Variants in PCDH15 observed in about 807,000 individuals in gnomAD.
The protein encoded by PCDH15 is protocadherin-15.
A neutral mutation model predicts 178.5 loss-of-function variants in PCDH15; 129 were observed. The ratio of observed to expected loss-of-function variants is 0.72; its 90% CI spans 0.63 to 0.84. PCDH15 has a LOEUF of 0.84. Ranked by LOEUF, PCDH15 falls within the 40% of genes least tolerant of loss-of-function variation. The pLI is 0.00. For missense variants in PCDH15, 2,230 were observed against 2,099.9 expected (o/e 1.06, Z -1.21); for synonymous variants, 800 against 732.0 (o/e 1.09, Z -1.50).
intron 2 of PCDH15, among the ~76,000 whole-genome samples, chr10:55,604,479 G>T (rs1258013416): frequency 6.7e-6 from 1 of 149,326 alleles, no homozygotes; most frequent in Admixed American, 6.7e-5. Context: ...TTCCAAAATT[G>T]ACCACATACT....
In PCDH15 at chr10:53,924,139, C is replaced by G. The variant is rs527472637; in HGVS notation, c.3373+14676G>C. Among the ~76,000 whole-genome samples, 335 of 151,438 alleles carry G rather than the reference C, an allele frequency of 2.2e-3. 2 individuals are homozygous for G. The highest frequency in any genetic ancestry group is 7.4e-3 in the African/African-American group (307 of 41,306). The stretch of plus-strand genomic sequence containing the variant: ...TGTGGGAGCCCCTCTCTGGGCTGGC[C>G]AAGGCCGGAGCCAGCTCCCTCTGCT... On this transcript the variant is annotated intron_variant, in intron 25 of 37. Transcript: ENST00000644397.
chr10:55,572,893 C>G (rs980971771), intron 2 of PCDH15, among the ~76,000 whole-genome samples: 3 of 151,952 alleles, frequency 2.0e-5, no homozygotes, highest in African/African-American at 7.2e-5. Context: ...ACTAGTATGG[C>G]TGAAGCAAAG....
intron 1 of PCDH15, among the ~76,000 whole-genome samples, chr10:55,200,259 T>C (rs1244981935): frequency 1.3e-5 from 2 of 152,158 alleles, no homozygotes; most frequent in Admixed American, 6.5e-5. Flanking sequence ...TGCATCAGTG[T>C]GGCCTAGATG....
At chr10:54,854,777 G>A (rs1953706694) in intron 3 of PCDH15, among the ~76,000 whole-genome samples, 1 of 152,094 alleles carries the variant, frequency 6.6e-6, no homozygotes, top group South Asian at 2.1e-4. Context: ...AGTGGCCACG[G>A]GCAGGCCAGA....
rs113203241 is a variant in PCDH15 at position 54,973,151 on chromosome 10, G to T, written c.-79-75651C>A. Among the ~76,000 whole-genome samples the T allele has an allele frequency of 8.2e-3, 1,245 of 152,188 alleles. 16 individuals are homozygous for T. Among genetic ancestry groups the T allele is most frequent in the African/African-American group, 0.028 (1,152 of 41,548 alleles). On this transcript the variant is annotated intron_variant, in intron 2 of 5. Coordinates refer to the PCDH15 transcript ENST00000458638. ...CATGAATAAGGATTGGAAAAGGAAT[G>T]CAGAATAATAAAAACACCTGGTTTG... is the stretch of plus-strand genomic sequence containing the variant.
At chr10:54,019,483 A>G (rs572130385) in intron 20 of PCDH15, among the ~76,000 whole-genome samples, 1 of 152,216 alleles carries the variant, frequency 6.6e-6, no homozygotes, top group African/African-American at 2.4e-5. Flanking sequence ...AGAAATCTGA[A>G]AGTTTAAGAT....
intron 3 of PCDH15, among the ~76,000 whole-genome samples, chr10:54,521,213 A>C (rs549121412): frequency 6.6e-6 from 1 of 152,270 alleles, no homozygotes; most frequent in African/African-American, 2.4e-5. Flanking sequence ...AAAGCATAAT[A>C]ATAATAAAAC....
At chr10:54,567,644 A>G (rs1400822034) in intron 2 of PCDH15, among the ~76,000 whole-genome samples, 1 of 152,184 alleles carries the variant, frequency 6.6e-6, no homozygotes, top group Non-Finnish European at 1.5e-5. Context: ...CAAGATCTCT[A>G]TGCTCTATGT....
chr10:54,454,038 T>G (rs183527122), intron 3 of PCDH15, among the ~76,000 whole-genome samples: 4 of 151,358 alleles, frequency 2.6e-5, no homozygotes, highest in Admixed American at 2.6e-4. Flanking sequence ...CTTGAATATA[T>G]AAATATAATA....
At chr10:54,532,422 T>G (rs545832223) in intron 2 of PCDH15, among the ~76,000 whole-genome samples, 1 of 152,040 alleles carries the variant, frequency 6.6e-6, no homozygotes, top group Non-Finnish European at 1.5e-5. Context: ...CTAGGTAAGG[T>G]TTCCCAATAT....
chr10:54,185,316 C>G (rs1259243048), intron 11 of PCDH15, 48 bp from the exon 12 acceptor site: 1 of 1,603,820 alleles, frequency 6.2e-7, no homozygotes. Context: ...AATAATGTAG[C>G]TATTAGTTCA....
chr10:54,539,208 C>A (rs2084921403), intron 2 of PCDH15, among the ~76,000 whole-genome samples: 1 of 152,080 alleles, frequency 6.6e-6, no homozygotes, highest in Non-Finnish European at 1.5e-5. Flanking sequence ...AAAGTAACAC[C>A]CATTCATCTG....
At chr10:54,654,375 T>TGGA (rs1555125731) in intron 2 of PCDH15, among the ~76,000 whole-genome samples, 1 of 149,458 alleles carries the variant, frequency 6.7e-6, no homozygotes, top group Non-Finnish European at 1.5e-5. Flanking sequence ...CACCAGAAGA[T>TGGA]GGAGAAGTCT....
At chr10:55,403,363 G>A (rs1838119283) in intron 2 of PCDH15, among the ~76,000 whole-genome samples, 1 of 151,792 alleles carries the variant, frequency 6.6e-6, no homozygotes, top group South Asian at 2.1e-4. Flanking sequence ...CTATGCAGAA[G>A]CTTTTTAGTT....
At chr10:54,173,583 T>C (rs1330429525) in intron 13 of PCDH15, among the ~76,000 whole-genome samples, 2 of 152,144 alleles carry the variant, frequency 1.3e-5, no homozygotes, top group Admixed American at 6.5e-5. Flanking sequence ...CCATGACTCA[T>C]AAATAAATTC....
At chr10:55,272,585 A>G (rs1012271151) in intron 1 of PCDH15, among the ~76,000 whole-genome samples, 2 of 151,556 alleles carry the variant, frequency 1.3e-5, no homozygotes, top group Non-Finnish European at 2.9e-5. Flanking sequence ...GTTTTACCAT[A>G]CCGGCCAGGC....
intron 2 of PCDH15, among the ~76,000 whole-genome samples, chr10:55,622,339 A>G (rs557049550): frequency 6.6e-6 from 1 of 151,270 alleles, no homozygotes; most frequent in Non-Finnish European, 1.5e-5. Flanking sequence ...CAAAACTGAT[A>G]ATTGTACTTC....
At chr10:55,467,351 G>GAA (rs1014904549) in intron 2 of PCDH15, among the ~76,000 whole-genome samples, 3 of 141,414 alleles carry the variant, frequency 2.1e-5, no homozygotes, top group African/African-American at 7.8e-5. Context: ...AGGAGGAAAA[G>GAA]AAAAGCCTGA....
At chr10:54,981,142 C>T (rs1839222957) in intron 2 of PCDH15, among the ~76,000 whole-genome samples, 1 of 152,056 alleles carries the variant, frequency 6.6e-6, no homozygotes, top group Non-Finnish European at 1.5e-5. Flanking sequence ...CAAAGGAATG[C>T]TGCAACAAAC....
Sources: gnomAD v4.1 joint callset for allele counts (sites outside exome capture counted in the v4.1 genomes callset) on GRCh38, gnomAD v4.1.1 for gene constraint, MANE v1.5 for transcripts, NCBI Gene and HGNC (gene_info 2026-07-23, HGNC 2026-07-21) for gene names.